Variants in DCDC1 observed in about 807,000 individuals in gnomAD.
DCDC1 encodes the protein doublecortin domain containing 1, also known as doublecortin domain-containing protein 1.
A neutral mutation model predicts 178.3 loss-of-function variants in DCDC1; 200 were observed. The ratio of observed to expected loss-of-function variants is 1.12; its 90% CI spans 1.00 to 1.26. The LOEUF (loss-of-function observed/expected upper bound fraction) is 1.26. DCDC1 is among the 50% of genes most tolerant of loss of function. The probability of loss-of-function intolerance (pLI) is 0.00; values close to 1 mark genes in which losing one functional copy is unlikely to be tolerated. For synonymous variants in DCDC1, 690 were observed against 604.8 expected (o/e 1.14, Z -2.07); for missense variants, 1,983 against 1,749.2 (o/e 1.13, Z -2.38).
intron 9 of DCDC1, among the ~76,000 whole-genome samples, chr11:31,143,122 A>G (rs1250224094): frequency 5.9e-5 from 9 of 152,172 alleles, no homozygotes; most frequent in Admixed American, 5.9e-4. Context: ...ATATGACACA[A>G]GGCACATCAT....
chr11:30,885,814 T>C (rs963125300), intron 36 of DCDC1, among the ~76,000 whole-genome samples: 2 of 152,142 alleles, frequency 1.3e-5, no homozygotes, highest in African/African-American at 4.8e-5. Context: ...GGCATGTTTA[T>C]TAACATGACC....
chr11:31,136,739 A>T (rs1318565296), intron 10 of DCDC1, among the ~76,000 whole-genome samples: 1 of 152,198 alleles, frequency 6.6e-6, no homozygotes, highest in Non-Finnish European at 1.5e-5. Flanking sequence ...ATGCTTTTGC[A>T]TTCCAGGAAA....
chr11:31,150,340 T>A (rs1965022980), intron 9 of DCDC1, among the ~76,000 whole-genome samples: 1 of 152,216 alleles, frequency 6.6e-6, no homozygotes, highest in Non-Finnish European at 1.5e-5. Flanking sequence ...AATATCATCA[T>A]CTATTTAAAA....
chr11:31,156,328 G>A (rs1052278042), intron 9 of DCDC1, among the ~76,000 whole-genome samples: 7 of 152,096 alleles, frequency 4.6e-5, no homozygotes, highest in African/African-American at 1.7e-4. Context: ...ATATTCATCT[G>A]TGAAAACCAT....
intron 21 of DCDC1, among the ~76,000 whole-genome samples, chr11:30,945,223 T>A (rs1947938012): frequency 6.6e-6 from 1 of 151,818 alleles, no homozygotes; most frequent in African/African-American, 2.4e-5. Context: ...CGCCTCAGCC[T>A]CCCAAAGTGC....
rs1491560218 is a variant in DCDC1 at position 31,315,667 on chromosome 11, T to TTA, written c.165-7760_165-7759insTA. 1.0e-3 allele frequency among the ~76,000 whole-genome samples: 133 copies of TTA among 131,288 alleles called. 1 individual carries two copies. Among genetic ancestry groups the TTA allele is most frequent in the African/African-American group, 4.2e-3 (130 of 31,218 alleles). The allele number at this position is 131,288 out of a possible 152,430, so 86.1% of individuals were successfully genotyped here. A position where few individuals can be genotyped will look rare whatever the true frequency, so the allele number is the denominator to read the frequency against. On this transcript the variant is annotated intron_variant, in intron 3 of 38. Transcript: ENST00000684477. ...ATACCTTTTTTTTTTTTTTTTTTTT[T>TTA]ATTAAACTCTAAGTTTTAGGGTACA...
intron 9 of DCDC1, among the ~76,000 whole-genome samples, chr11:31,146,142 G>C (rs551287939): frequency 6.7e-6 from 1 of 149,210 alleles, no homozygotes; most frequent in East Asian, 2.0e-4. Flanking sequence ...GCACAATATC[G>C]GCTCACTGCA....
intron 19 of DCDC1, 22 bp from the exon 20 acceptor site, chr11:31,064,648 T>A (rs765405640): frequency 1.2e-5 from 9 of 763,850 alleles, no homozygotes; most frequent in South Asian, 1.1e-4. Flanking sequence ...AATATAGGAA[T>A]CATGTAGCTA....
intron 9 of DCDC1, among the ~76,000 whole-genome samples, chr11:31,220,374 ACT>A (rs1974118593): frequency 6.6e-6 from 1 of 152,202 alleles, no homozygotes. Context: ...AACAAAAATT[ACT>A]TTTTGAATTT....
rs1590252076 is a variant in DCDC1, at chr11:30,893,032, A to G, written c.4903-35T>C. 4.4e-6 allele frequency: 7 copies of G among 1,608,902 alleles called. No homozygotes were observed. The African/African-American group carries it at 8.0e-5, about 18-fold the overall frequency. ...AAAGCCCAGAGAATGTTGTGTTTAGAGAACTGTCTGGATAGTGTTTGTGAA... is the reference window on the plus strand; with the variant it reads ...AAAGCCCAGAGAATGTTGTGTTTAGGGAACTGTCTGGATAGTGTTTGTGAA... On this transcript the variant is annotated intron_variant, in intron 35 of 38. Coordinates refer to ENST00000684477, the MANE Select transcript of DCDC1 (RefSeq NM_001387274.1).
intron 21 of DCDC1, among the ~76,000 whole-genome samples, chr11:30,932,881 G>T (rs1160098223): frequency 6.6e-6 from 1 of 152,198 alleles, no homozygotes; most frequent in African/African-American, 2.4e-5. Context: ...GGGTAACTGG[G>T]TGGATGGTAT....
At chr11:30,888,448 T>C (rs968913898) in intron 36 of DCDC1, among the ~76,000 whole-genome samples, 10 of 152,226 alleles carry the variant, frequency 6.6e-5, no homozygotes, top group Non-Finnish European at 1.3e-4. Flanking sequence ...CTGGGCACGG[T>C]GGCTCACGCC....
intron 20 of DCDC1, among the ~76,000 whole-genome samples, chr11:30,990,192 A>G (rs1038817192): frequency 1.3e-5 from 2 of 152,200 alleles, no homozygotes; most frequent in African/African-American, 4.8e-5. Context: ...ATATATATAT[A>G]TATGCAGTTG....
At chr11:31,065,831 T>C (rs1472659776) in intron 18 of DCDC1, among the ~76,000 whole-genome samples, 1 of 152,178 alleles carries the variant, frequency 6.6e-6, no homozygotes, top group Non-Finnish European at 1.5e-5. Context: ...GGATAAAATC[T>C]GTCACTGCTC....
At position 31,185,118 on chromosome 11, in the gene DCDC1, A is replaced by G. The variant is rs949813628; in HGVS notation, c.1222-47334T>C. On this transcript the variant is annotated intron_variant, in intron 9 of 38. Coordinates refer to ENST00000684477, the MANE Select transcript of DCDC1 (RefSeq NM_001387274.1). ...GTTCATGTCCTTTGCAGGGACATGGATAAAGCTGGAAACCATCATTCTCAG... is the reference window on the plus strand; with the variant it reads ...GTTCATGTCCTTTGCAGGGACATGGGTAAAGCTGGAAACCATCATTCTCAG... Among the ~76,000 whole-genome samples the G allele has an allele frequency of 4.6e-5, 7 of 152,248 alleles. No homozygotes were observed. The South Asian group carries it at 8.3e-4, about 18-fold the overall frequency.
intron 1 of DCDC1, among the ~76,000 whole-genome samples, chr11:31,344,361 A>C (rs1399863125): frequency 6.6e-6 from 1 of 152,146 alleles, no homozygotes; most frequent in Non-Finnish European, 1.5e-5. Context: ...ATTTCAGATC[A>C]CTATGTGCTC....
chr11:31,032,384 CTAA>C lies in DCDC1; in HGVS notation c.2591+32082_2591+32084del, dbSNP rs565459965. 2.0e-5 allele frequency among the ~76,000 whole-genome samples: 3 copies of C among 152,020 alleles called. No homozygotes were observed. The South Asian group carries it at 6.2e-4, about 32-fold the overall frequency. On this transcript the variant is annotated intron_variant, in intron 20 of 38. Coordinates refer to ENST00000684477, the MANE Select transcript of DCDC1 (RefSeq NM_001387274.1). ...ATGTCTTGTAGGAATATTGTATTTC[CTAA>C]TGTTTCTGATTTAATTTCCTTTAAA...
At chr11:30,907,968 A>G (rs1466428751) in intron 29 of DCDC1, among the ~76,000 whole-genome samples, 1 of 152,212 alleles carries the variant, frequency 6.6e-6, no homozygotes, top group Non-Finnish European at 1.5e-5. Context: ...TTGATGAGCT[A>G]AAGTTCTTCC....
At chr11:31,330,402 T>G (rs1479514219) in intron 2 of DCDC1, among the ~76,000 whole-genome samples, 1 of 152,222 alleles carries the variant, frequency 6.6e-6, no homozygotes, top group Non-Finnish European at 1.5e-5. Context: ...TTTAGTTTAA[T>G]TAGATCCCGC....
Sources: allele counts gnomAD v4.1 joint callset (sites outside exome capture counted in the v4.1 genomes callset), GRCh38; gene constraint gnomAD v4.1.1; transcripts MANE v1.5; gene names NCBI Gene and HGNC (gene_info 2026-07-23, HGNC 2026-07-21).